KCNIP1: variants seen among roughly 807,000 people sequenced by gnomAD.
KCNIP1 encodes the protein A-type potassium channel modulatory protein KCNIP1.
Under a neutral mutation model 33.0 loss-of-function variants are expected in KCNIP1, and 18 were observed. The ratio of observed to expected loss-of-function variants is 0.55; its 90% CI spans 0.38 to 0.81. The LOEUF (loss-of-function observed/expected upper bound fraction) is 0.81, where lower values mean the gene tolerates loss of function less well. KCNIP1 is among the 30% of genes least tolerant of loss of function. The pLI is 0.00. For synonymous variants in KCNIP1, 93 were observed against 98.3 expected (o/e 0.95, Z 0.32); for missense variants, 238 against 271.6 (o/e 0.88, Z 0.87).
chr5:170,734,997 G>A (rs1273048465), intron 7 of KCNIP1, among the ~76,000 whole-genome samples: 2 of 152,198 alleles, frequency 1.3e-5, no homozygotes, highest in Admixed American at 6.5e-5. Context: ...TCCACTGTGA[G>A]TGGAAGCAGC....
At chr5:170,613,613 AGAAGG>A (rs1274103081) in intron 1 of KCNIP1, among the ~76,000 whole-genome samples, 1 of 152,188 alleles carries the variant, frequency 6.6e-6, no homozygotes, top group African/African-American at 2.4e-5. Context: ...GAGGAAGAAG[AGAAGG>A]GAAGAAAAGG....
intron 1 of KCNIP1, among the ~76,000 whole-genome samples, chr5:170,643,656 G>A (rs185583478): frequency 6.6e-6 from 1 of 152,354 alleles, no homozygotes; most frequent in Admixed American, 6.5e-5. Context: ...CCTCTCATCA[G>A]ACCTCAGCTT....
intron 1 of KCNIP1, among the ~76,000 whole-genome samples, chr5:170,555,898 A>G (rs1479634992): frequency 6.6e-6 from 1 of 152,172 alleles, no homozygotes; most frequent in Non-Finnish European, 1.5e-5. Flanking sequence ...AATGAGAGGA[A>G]ATTGCCAAGG....
At chr5:170,729,769 G>A (rs2113891462) in intron 5 of KCNIP1, among the ~76,000 whole-genome samples, 1 of 152,182 alleles carries the variant, frequency 6.6e-6, no homozygotes, top group Middle Eastern at 3.4e-3. Flanking sequence ...CATAGTTGCT[G>A]AAAGTGTTCT....
intron 1 of KCNIP1, among the ~76,000 whole-genome samples, chr5:170,395,604 T>A (rs1227065248): frequency 6.6e-6 from 1 of 152,222 alleles, no homozygotes; most frequent in Non-Finnish European, 1.5e-5. Context: ...TAAGGGAGAC[T>A]GTATCTATAA....
chr5:170,382,655 CTTTT>C (rs5873227), intron 1 of KCNIP1: 4,229 of 129,496 alleles, frequency 0.033, 165 homozygotes, highest in African/African-American at 0.11. Context: ...AAGAGCCTTT[CTTTT>C]TTTTTTTTTT....
At chr5:170,660,341 C>A (rs1761427427) in intron 1 of KCNIP1, among the ~76,000 whole-genome samples, 2 of 151,162 alleles carry the variant, frequency 1.3e-5, no homozygotes, top group South Asian at 2.1e-4. Context: ...AAACTTTTCC[C>A]CCTTAATATT....
At chr5:170,405,497 C>T (rs1333729943) in intron 1 of KCNIP1, among the ~76,000 whole-genome samples, 1 of 152,202 alleles carries the variant, frequency 6.6e-6, no homozygotes, top group East Asian at 1.9e-4. Flanking sequence ...AGCCGTTGTG[C>T]CCAGCTGAGA....
At chr5:170,729,160 G>T (rs1764109160) in intron 5 of KCNIP1, among the ~76,000 whole-genome samples, 1 of 151,744 alleles carries the variant, frequency 6.6e-6, no homozygotes, top group Admixed American at 6.6e-5. Flanking sequence ...AACTAAAAAA[G>T]AACTAAAAAT....
rs529142466 is a variant in KCNIP1, at chr5:170,676,742, C to T, written c.62-42016C>T. On this transcript the variant is annotated intron_variant, in intron 1 of 7. Transcript: ENST00000328939. ...TTTCAGATAACTAAGTGAACTGCTC[C>T]GATCTTGTGGGTCATTGCACCACGG... Among the ~76,000 whole-genome samples the T allele has an allele frequency of 1.3e-4, 20 of 152,252 alleles. 1 individual carries two copies. Among genetic ancestry groups the T allele is most frequent in the South Asian group, 8.3e-4 (4 of 4,824 alleles).
At chr5:170,652,033 A>G (rs1271430343) in intron 1 of KCNIP1, among the ~76,000 whole-genome samples, 2 of 152,220 alleles carry the variant, frequency 1.3e-5, no homozygotes, top group African/African-American at 4.8e-5. Context: ...CGGCAAATAA[A>G]TAGGCGTTTG....
At chr5:170,633,827 G>A (rs183343907) in intron 1 of KCNIP1, among the ~76,000 whole-genome samples, 31 of 151,596 alleles carry the variant, frequency 2.0e-4, no homozygotes, top group Middle Eastern at 3.4e-3. Context: ...TATGCTGCAC[G>A]AGAAGGAGAG....
intron 1 of KCNIP1, among the ~76,000 whole-genome samples, chr5:170,716,606 G>A (rs1382727766): frequency 2.0e-5 from 3 of 152,230 alleles, no homozygotes; most frequent in Non-Finnish European, 4.4e-5. Flanking sequence ...GTTTGATGTA[G>A]AAGTTGATCC....
intron 1 of KCNIP1, among the ~76,000 whole-genome samples, chr5:170,367,349 A>AAAAT (rs1763692469): frequency 1.3e-5 from 1 of 76,890 alleles, no homozygotes; most frequent in Non-Finnish European, 2.5e-5. Flanking sequence ...GAAGGAAAGA[A>AAAAT]AAAGAAAGAA....
intron 1 of KCNIP1, among the ~76,000 whole-genome samples, chr5:170,673,730 G>T (rs529461040): frequency 2.6e-5 from 4 of 152,046 alleles, no homozygotes; most frequent in Non-Finnish European, 4.4e-5. Flanking sequence ...CTGTGTCCTC[G>T]CAGGGAGATA....
rs70979192 is a variant in KCNIP1 at position 170,598,904 on chromosome 5, CGTGTGTGTGTGTGTGTGTGT to C, written c.61+94290_61+94309del. Among the ~76,000 whole-genome samples, 269 of 133,868 alleles carry C rather than the reference CGTGTGTGTGTGTGTGTGTGT, an allele frequency of 2.0e-3. 5 individuals are homozygous for C. Among genetic ancestry groups the C allele is most frequent in the Admixed American group, 0.019 (250 of 13,434 alleles). The allele number at this position is 133,868 out of a possible 152,430, so 87.8% of individuals were successfully genotyped here. On this transcript the variant is annotated intron_variant, in intron 1 of 7. Transcript: ENST00000328939. ...CATAGCCCCGCTGTGTGTGTGTGCG[CGTGTGTGTGTGTGTGTGTGT>C]GTGTGTGTGTGTGTGTGTTTGGTGG...
chr5:170,353,761 G>A (rs1404891599), exon 1 of KCNIP1: 4 of 870,146 alleles, frequency 4.6e-6, no homozygotes, highest in Non-Finnish European at 7.3e-6. Context: ...GGCTTCAGGG[G>A]TGCATCCGTC....
chr5:170,588,086 G>T (rs1410967111), intron 1 of KCNIP1, among the ~76,000 whole-genome samples: 1 of 152,228 alleles, frequency 6.6e-6, no homozygotes, highest in African/African-American at 2.4e-5. Context: ...GGTCAGATCT[G>T]CTGGAGAGTG....
At chr5:170,711,903 C>T (rs1291344560) in intron 1 of KCNIP1, among the ~76,000 whole-genome samples, 1 of 152,178 alleles carries the variant, frequency 6.6e-6, no homozygotes, top group Non-Finnish European at 1.5e-5. Context: ...TAAGCCTCTG[C>T]TGTCTGGGTT....
Sources: gnomAD v4.1 joint callset for allele counts (sites outside exome capture counted in the v4.1 genomes callset) on GRCh38, gnomAD v4.1.1 for gene constraint, MANE v1.5 for transcripts, NCBI Gene and HGNC (gene_info 2026-07-23, HGNC 2026-07-21) for gene names.